Variants in LINGO2 observed in about 807,000 individuals in gnomAD.
LINGO2 encodes leucine-rich repeat and immunoglobulin-like domain-containing nogo receptor-interacting protein 2.
In LINGO2, 14 loss-of-function variants were observed where a neutral mutation model predicts 30.6. The ratio of observed to expected loss-of-function variants is 0.46; its 90% CI spans 0.30 to 0.72. The LOEUF (loss-of-function observed/expected upper bound fraction) is 0.72. Ranked by LOEUF, LINGO2 falls within the 30% of genes least tolerant of loss-of-function variation. The probability of loss-of-function intolerance (pLI) is 0.07; values close to 1 mark genes in which losing one functional copy is unlikely to be tolerated. For missense variants in LINGO2, 729 were observed against 751.7 expected (o/e 0.97, Z 0.35); for synonymous variants, 317 against 288.5 (o/e 1.10, Z -1.00).
chr9:27,961,532 G>C (rs752668973), intron 5 of LINGO2, among the ~76,000 whole-genome samples: 1 of 152,078 alleles, frequency 6.6e-6, no homozygotes, highest in African/African-American at 2.4e-5. Flanking sequence ...AGACTGAAGA[G>C]GTAATTAGAG....
At chr9:28,224,056 A>G (rs890890114) in intron 4 of LINGO2, among the ~76,000 whole-genome samples, 2 of 152,086 alleles carry the variant, frequency 1.3e-5, no homozygotes, top group African/African-American at 4.8e-5. Flanking sequence ...ACTATACGAA[A>G]TAAATAAGGC....
At chr9:29,183,342 C>T in the LINGO2 span, among the ~76,000 whole-genome samples, 1 of 152,176 alleles carries the variant, frequency 6.6e-6, no homozygotes, top group African/African-American at 2.4e-5. Flanking sequence ...ACTCTGATCA[C>T]ATGAAGAAAT....
At chr9:29,098,646 C>G in the LINGO2 span, among the ~76,000 whole-genome samples, 2 of 151,854 alleles carry the variant, frequency 1.3e-5, no homozygotes, top group African/African-American at 2.4e-5. Context: ...GTGGCATTAG[C>G]TGAAACAGTG....
At chr9:28,270,764 A>G (rs1439193935) in intron 4 of LINGO2, among the ~76,000 whole-genome samples, 2 of 152,128 alleles carry the variant, frequency 1.3e-5, no homozygotes, top group African/African-American at 4.8e-5. Flanking sequence ...TCTAATATCT[A>G]TTGAAAGCTT....
At chr9:29,157,008 C>T in the LINGO2 span, among the ~76,000 whole-genome samples, 1 of 151,866 alleles carries the variant, frequency 6.6e-6, no homozygotes, top group African/African-American at 2.4e-5. Flanking sequence ...TAGACATTCC[C>T]ATTGGTTGGC....
the LINGO2 span, among the ~76,000 whole-genome samples, chr9:29,183,477 G>T: frequency 6.6e-6 from 1 of 152,110 alleles, no homozygotes; most frequent in East Asian, 1.9e-4. Flanking sequence ...CAAAAAGTAA[G>T]GGCAAGGTCA....
At chr9:29,149,617 G>T in the LINGO2 span, among the ~76,000 whole-genome samples, 1 of 151,938 alleles carries the variant, frequency 6.6e-6, no homozygotes, top group African/African-American at 2.4e-5. Context: ...GGTGAGTGAA[G>T]GGATAGCAGG....
intron 4 of LINGO2, among the ~76,000 whole-genome samples, chr9:28,259,009 A>G (rs1822476132): frequency 6.6e-6 from 1 of 151,864 alleles, no homozygotes; most frequent in South Asian, 2.1e-4. Context: ...GAAGATGCAT[A>G]TGAGGTTTTT....
chr9:28,523,179 C>A (rs1820889355), intron 1 of LINGO2, among the ~76,000 whole-genome samples: 1 of 151,428 alleles, frequency 6.6e-6, no homozygotes, highest in Admixed American at 6.6e-5. Context: ...TAAATGAACA[C>A]AAAACACCAT....
intron 1 of LINGO2, among the ~76,000 whole-genome samples, chr9:28,577,314 C>T (rs1043926720): frequency 1.3e-5 from 2 of 152,118 alleles, no homozygotes; most frequent in South Asian, 2.1e-4. Flanking sequence ...CAGACTTTTG[C>T]ATTTCTGAAA....
At chr9:28,236,599 G>C (rs1012400134) in intron 4 of LINGO2, among the ~76,000 whole-genome samples, 1 of 152,100 alleles carries the variant, frequency 6.6e-6, no homozygotes, top group Non-Finnish European at 1.5e-5. Flanking sequence ...CAGAACTAGA[G>C]GTCATTGTGT....
At chr9:28,273,878 T>A (rs1466798625) in intron 4 of LINGO2, among the ~76,000 whole-genome samples, 2 of 152,152 alleles carry the variant, frequency 1.3e-5, no homozygotes, top group African/African-American at 2.4e-5. Context: ...GGGCTACAAC[T>A]AATTTCCATA....
the LINGO2 span, chr9:27,939,908 A>T: frequency 6.6e-6 from 1 of 152,232 alleles, no homozygotes; most frequent in Non-Finnish European, 1.5e-5. Context: ...CCAATGTGAC[A>T]ATACAAAATT....
intron 4 of LINGO2, among the ~76,000 whole-genome samples, chr9:28,099,966 T>C (rs2133307080): frequency 6.6e-6 from 1 of 152,302 alleles, no homozygotes; most frequent in African/African-American, 2.4e-5. Context: ...ACAAATAATA[T>C]GTTTTTACCT....
chr9:28,226,683 G>GAAAC (rs1411371313), intron 4 of LINGO2, among the ~76,000 whole-genome samples: 1 of 94,274 alleles, frequency 1.1e-5, no homozygotes, highest in African/African-American at 5.7e-5. Context: ...AAGAAAGAAA[G>GAAAC]AAAGAAAGAA....
intron 2 of LINGO2, among the ~76,000 whole-genome samples, chr9:28,474,883 G>T (rs1334808502): frequency 1.3e-5 from 2 of 152,082 alleles, no homozygotes; most frequent in South Asian, 2.1e-4. Flanking sequence ...TTATATAAAT[G>T]AGGTAATTTT....
the LINGO2 span, among the ~76,000 whole-genome samples, chr9:28,845,198 C>T: frequency 6.6e-6 from 1 of 151,866 alleles, no homozygotes; most frequent in Non-Finnish European, 1.5e-5. Flanking sequence ...GAAAGCTGTA[C>T]TTGACAGTGC....
chr9:28,609,816 G>A lies in LINGO2; in HGVS notation c.-365+60384C>T, dbSNP rs150281280. Among the ~76,000 whole-genome samples, 538 of 151,978 alleles carry A rather than the reference G, an allele frequency of 3.5e-3. 3 individuals are homozygous for A. The highest frequency in any genetic ancestry group is 0.01 in the East Asian group (52 of 5,166). On this transcript the variant is annotated intron_variant, in intron 1 of 5. Coordinates refer to ENST00000379992, the Ensembl canonical transcript of LINGO2. ...TTCTTATGGCGTACCTTAAATTAGC[G>A]AACACAAAACCCTAGGAAAATTCTA...
At chr9:28,174,940 GAGAGAGAGACAGAC>G (rs1397626392) in intron 4 of LINGO2, among the ~76,000 whole-genome samples, 1 of 151,852 alleles carries the variant, frequency 6.6e-6, no homozygotes, top group African/African-American at 2.4e-5. Flanking sequence ...GAGAGAGAGA[GAGAGAGAGACAGAC>G]AGAGAGAAAG....
Sources: allele counts gnomAD v4.1 joint callset (sites outside exome capture counted in the v4.1 genomes callset), GRCh38; gene constraint gnomAD v4.1.1; transcripts MANE v1.5; gene names NCBI Gene and HGNC (gene_info 2026-07-23, HGNC 2026-07-21).